ZMAT4: variants seen among roughly 807,000 people sequenced by gnomAD.
ZMAT4 encodes the protein zinc finger matrin-type protein 4.
In ZMAT4, 17 loss-of-function variants were observed where a neutral mutation model predicts 28.7. The observed-to-expected ratio is 0.59, with a 90% CI of 0.41 to 0.89. The LOEUF (loss-of-function observed/expected upper bound fraction) is 0.89, where lower values mean the gene tolerates loss of function less well. Ranked by LOEUF, ZMAT4 falls within the 40% of genes least tolerant of loss-of-function variation. ZMAT4 has a pLI of 0.00. For synonymous variants in ZMAT4, 117 were observed against 109.2 expected, an observed-to-expected ratio of 1.07 and a Z score of -0.44; for missense variants, 240 against 283.8, an observed-to-expected ratio of 0.85 and a Z score of 1.11.
intron 2 of ZMAT4, among the ~76,000 whole-genome samples, chr8:40,821,069 G>A (rs75491184): frequency 0.011 from 1,733 of 151,196 alleles, 34 homozygotes; most frequent in African/African-American, 0.04. Flanking sequence ...TGGTGGTTTG[G>A]GGATGGGTGT....
At chr8:40,774,331 C>G (rs1010487079) in intron 2 of ZMAT4, among the ~76,000 whole-genome samples, 1 of 152,108 alleles carries the variant, frequency 6.6e-6, no homozygotes, top group Admixed American at 6.5e-5. Context: ...GTTTCTTTCT[C>G]CCATCAAATT....
chr8:40,604,953 G>T (rs1805528583), intron 5 of ZMAT4, among the ~76,000 whole-genome samples: 1 of 151,660 alleles, frequency 6.6e-6, no homozygotes, highest in Non-Finnish European at 1.5e-5. Flanking sequence ...ATCTAGGAGG[G>T]CACATTTGTA....
intron 3 of ZMAT4, among the ~76,000 whole-genome samples, chr8:40,714,621 C>G (rs1468094891): frequency 6.6e-6 from 1 of 152,084 alleles, no homozygotes; most frequent in Non-Finnish European, 1.5e-5. Context: ...TCCATTGATG[C>G]CTTTTGTCAT....
At chr8:40,873,189 G>A (rs1273745827) in intron 1 of ZMAT4, among the ~76,000 whole-genome samples, 1 of 152,178 alleles carries the variant, frequency 6.6e-6, no homozygotes, top group African/African-American at 2.4e-5. Flanking sequence ...GGCAACCCAA[G>A]TCCCAAATCA....
chr8:40,836,068 T>C (rs1816470431), intron 1 of ZMAT4, among the ~76,000 whole-genome samples: 1 of 152,248 alleles, frequency 6.6e-6, no homozygotes, highest in Admixed American at 6.5e-5. Flanking sequence ...CCCCCGTCCA[T>C]GAAATCTTTC....
At chr8:40,881,591 AAAGAAAG>A (rs1818268959) in intron 1 of ZMAT4, among the ~76,000 whole-genome samples, 1 of 98,230 alleles carries the variant, frequency 1.0e-5, no homozygotes, top group African/African-American at 4.1e-5. Context: ...AGAAAGAAAG[AAAGAAAG>A]AAAAGAAAAG....
At chr8:40,668,725 C>T (rs189800865) in intron 5 of ZMAT4, among the ~76,000 whole-genome samples, 1 of 152,134 alleles carries the variant, frequency 6.6e-6, no homozygotes, top group African/African-American at 2.4e-5. Context: ...CCTTCCCCAC[C>T]AGCTTTGAAA....
chr8:40,754,523 C>A (rs527331444), intron 3 of ZMAT4, among the ~76,000 whole-genome samples: 1 of 152,242 alleles, frequency 6.6e-6, no homozygotes, highest in South Asian at 2.1e-4. Flanking sequence ...ATGTTTCCAC[C>A]AATGACGAGT....
intron 1 of ZMAT4, among the ~76,000 whole-genome samples, chr8:40,894,855 G>T (rs1818817418): frequency 6.6e-6 from 1 of 151,922 alleles, no homozygotes; most frequent in Admixed American, 6.6e-5. Context: ...TTCCCCAAAA[G>T]CACAAAATTA....
At chr8:40,547,334 T>C (rs1329845450) in intron 6 of ZMAT4, among the ~76,000 whole-genome samples, 1 of 152,160 alleles carries the variant, frequency 6.6e-6, no homozygotes, top group East Asian at 1.9e-4. Flanking sequence ...ACAATCTGAC[T>C]CCCTGATCTA....
chr8:40,616,814 C>G (rs553995405), intron 5 of ZMAT4, among the ~76,000 whole-genome samples: 3 of 150,006 alleles, frequency 2.0e-5, no homozygotes, highest in Admixed American at 2.0e-4. Context: ...TGCAGCACAC[C>G]AACATGGCAC....
Position 40,568,463 on chromosome 8 carries a change from TTGTGAGAATCCAGAAAC to T in ZMAT4, c.674+12685_674+12701del, listed in dbSNP as rs545609999. 6.8e-4 allele frequency among the ~76,000 whole-genome samples: 104 copies of T among 152,234 alleles called. No individual in the cohort carries two copies. The East Asian group carries it at 0.018, about 27-fold the overall frequency. On this transcript the variant is annotated intron_variant, in intron 6 of 6. Coordinates refer to ENST00000297737, the MANE Select transcript of ZMAT4 (RefSeq NM_024645.3). Reference sequence around the variant, plus strand: ...TCTAAACCCTGAGCAGGCCGGAACTTTGTGAGAATCCAGAAACCCCAACCTTGGGCAAGAAACTAGCC... The same window carrying T: ...TCTAAACCCTGAGCAGGCCGGAACTTCCCAACCTTGGGCAAGAAACTAGCC...
At chr8:40,641,717 A>C (rs1213161372) in intron 5 of ZMAT4, among the ~76,000 whole-genome samples, 2 of 152,192 alleles carry the variant, frequency 1.3e-5, no homozygotes, top group Non-Finnish European at 2.9e-5. Flanking sequence ...ACTTAACATA[A>C]GATCTGCCTT....
chr8:40,847,058 C>T (rs920244623), intron 1 of ZMAT4, among the ~76,000 whole-genome samples: 1 of 151,894 alleles, frequency 6.6e-6, no homozygotes, highest in Non-Finnish European at 1.5e-5. Flanking sequence ...AATAGAAAAA[C>T]TAGCAGTATG....
chr8:40,646,176 G>A (rs1374735899), intron 5 of ZMAT4, among the ~76,000 whole-genome samples: 1 of 151,714 alleles, frequency 6.6e-6, no homozygotes, highest in African/African-American at 2.4e-5. Context: ...TATAATTAAT[G>A]TAACTACTAA....
At chr8:40,586,016 C>T (rs1563352100) in intron 5 of ZMAT4, among the ~76,000 whole-genome samples, 1 of 152,178 alleles carries the variant, frequency 6.6e-6, no homozygotes, top group Non-Finnish European at 1.5e-5. Context: ...TTCTCACGCT[C>T]TGCAGCCAGA....
intron 5 of ZMAT4, among the ~76,000 whole-genome samples, chr8:40,615,035 T>A (rs1187054945): frequency 6.6e-6 from 1 of 152,194 alleles, no homozygotes; most frequent in Non-Finnish European, 1.5e-5. Context: ...GGTCTTTACA[T>A]TTTGGCATGT....
intron 3 of ZMAT4, among the ~76,000 whole-genome samples, chr8:40,721,799 G>A (rs1195869087): frequency 2.6e-5 from 4 of 151,836 alleles, no homozygotes; most frequent in African/African-American, 9.7e-5. Flanking sequence ...GTCTGTTCAT[G>A]TCCTTCGCCC....
intron 5 of ZMAT4, among the ~76,000 whole-genome samples, chr8:40,601,614 GAAAGAAAGAAAGAAAGAAAGA>G (rs1805353623): frequency 7.4e-5 from 2 of 27,170 alleles, no homozygotes; most frequent in South Asian, 1.2e-3. Flanking sequence ...AAGAAAGAAA[GAAAGAAAGAAAGAAAGAAAGA>G]GAAAGAAAGA....
Sources: allele counts gnomAD v4.1 joint callset (sites outside exome capture counted in the v4.1 genomes callset), GRCh38; gene constraint gnomAD v4.1.1; transcripts MANE v1.5; gene names NCBI Gene and HGNC (gene_info 2026-07-23, HGNC 2026-07-21).